The following PXDNL variants were observed in gnomAD, a reference collection of about 807,000 sequenced individuals.
PXDNL encodes peroxidasin like.
Under a neutral mutation model 150.8 loss-of-function variants are expected in PXDNL, and 145 were observed. That is an observed-to-expected ratio of 0.96 (90% confidence interval 0.84 to 1.10). The LOEUF is 1.10. Among genes scored for constraint, PXDNL ranks in the 50% least tolerant of loss-of-function variants. The pLI is 0.00. For missense variants in PXDNL, 2,087 were observed against 1,873.9 expected (o/e 1.11, Z -2.10); for synonymous variants, 757 against 725.7 (o/e 1.04, Z -0.69).
chr8:51,486,517 C>T (rs1269574709), intron 5 of PXDNL, among the ~76,000 whole-genome samples: 3 of 151,682 alleles, frequency 2.0e-5, no homozygotes, highest in Non-Finnish European at 2.9e-5. Flanking sequence ...AGAATACTAT[C>T]CCAGTAGTAT....
chr8:51,465,509 C>T (rs1810186273), intron 8 of PXDNL, among the ~76,000 whole-genome samples: 2 of 152,136 alleles, frequency 1.3e-5, no homozygotes. Flanking sequence ...CAAGAATGTC[C>T]ACTTTCACCA....
intron 19 of PXDNL, among the ~76,000 whole-genome samples, chr8:51,362,219 G>T (rs187499052): frequency 1.3e-5 from 2 of 152,128 alleles, no homozygotes; most frequent in Non-Finnish European, 2.9e-5. Flanking sequence ...TAAGACCTCC[G>T]GTAAAGTAGG....
At chr8:51,773,565 CT>C (rs1178593744) in intron 1 of PXDNL, among the ~76,000 whole-genome samples, 1 of 152,194 alleles carries the variant, frequency 6.6e-6, no homozygotes, top group Non-Finnish European at 1.5e-5. Flanking sequence ...CCACGACCAC[CT>C]TCTAGAATTT....
intron 1 of PXDNL, among the ~76,000 whole-genome samples, chr8:51,758,899 C>G (rs994080711): frequency 6.6e-6 from 1 of 152,206 alleles, no homozygotes; most frequent in African/African-American, 2.4e-5. Flanking sequence ...CTAATCCTCC[C>G]TGAGCAACAA....
chr8:51,468,309 T>C (rs1429185588), intron 8 of PXDNL, among the ~76,000 whole-genome samples: 5 of 152,080 alleles, frequency 3.3e-5, no homozygotes, highest in Non-Finnish European at 7.4e-5. Context: ...TCATCAGCTA[T>C]TTTGTTAGGT....
intron 17 of PXDNL, among the ~76,000 whole-genome samples, chr8:51,379,858 T>C (rs866223339): frequency 6.6e-6 from 1 of 152,190 alleles, no homozygotes; most frequent in Non-Finnish European, 1.5e-5. Flanking sequence ...TCCATACTCA[T>C]TTTTAATCCA....
intron 19 of PXDNL, among the ~76,000 whole-genome samples, chr8:51,355,208 TAC>T (rs1428040538): frequency 6.6e-6 from 1 of 152,174 alleles, no homozygotes; most frequent in Non-Finnish European, 1.5e-5. Context: ...ATGAAAATAC[TAC>T]AGTGTCATGA....
At chr8:51,713,298 C>T (rs551014906) in intron 1 of PXDNL, among the ~76,000 whole-genome samples, 1 of 152,318 alleles carries the variant, frequency 6.6e-6, no homozygotes, top group African/African-American at 2.4e-5. Context: ...CAAGGCATTC[C>T]TTATCTCAGG....
At chr8:51,449,337 A>C (rs1224237921) in intron 10 of PXDNL, among the ~76,000 whole-genome samples, 2 of 152,266 alleles carry the variant, frequency 1.3e-5, no homozygotes, top group Non-Finnish European at 2.9e-5. Context: ...GCAAAACAGC[A>C]GTAGCCAACA....
chr8:51,541,652 C>T (rs1812220015), intron 4 of PXDNL, among the ~76,000 whole-genome samples: 1 of 152,148 alleles, frequency 6.6e-6, no homozygotes, highest in Non-Finnish European at 1.5e-5. Context: ...CACTGGTCTC[C>T]TACACCACTA....
intron 12 of PXDNL, among the ~76,000 whole-genome samples, chr8:51,445,363 A>T (rs1809651287): frequency 2.6e-5 from 4 of 152,150 alleles, no homozygotes; most frequent in Admixed American, 1.3e-4. Context: ...GCCACCATTC[A>T]CAAAATCTGG....
chr8:51,408,196 T>G lies in PXDNL; in HGVS notation c.3428A>C (p.Gln1143Pro). 1.2e-6 allele frequency: 2 copies of G among 1,614,016 alleles called. No individual in the cohort carries two copies. The highest frequency in any genetic ancestry group is 1.7e-6 in the Non-Finnish European group (2 of 1,179,904). ...TGGGATCCCGTGGTCTCTACCCCTT[T>G]GAATGATGGTGGCAGCCGAATCCAC... Reference protein sequence around the residue: ...AAVDSAATIIQRGRDHGIPPY... With the variant: ...AAVDSAATIIPRGRDHGIPPY... Residue 1143 changes from glutamine (Q) to proline (P), a missense_variant, in exon 17 of 23, where the codon CAA becomes CCA. Transcript: ENST00000356297.
chr8:51,413,080 T>G, intron 15 of PXDNL, 70 bp downstream of exon 15: 19 of 919,592 alleles, frequency 2.1e-5, no homozygotes, highest in Non-Finnish European at 3.0e-5. Context: ...ATGTGACTTA[T>G]GGAGATGATA....
At chr8:51,452,935 A>AACACATAACACACACAC (rs60146365) in intron 10 of PXDNL, among the ~76,000 whole-genome samples, 1 of 142,566 alleles carries the variant, frequency 7.0e-6, no homozygotes, top group South Asian at 2.2e-4. Context: ...CACACACACA[A>AACACATAACACACACAC]ACACACACAC....
chr8:51,652,035 TC>T (rs1210154593), intron 2 of PXDNL, among the ~76,000 whole-genome samples: 1 of 152,198 alleles, frequency 6.6e-6, no homozygotes, highest in African/African-American at 2.4e-5. Flanking sequence ...GAAAACCCTC[TC>T]TTTTACAATA....
At chr8:51,396,417 T>G (rs1010304376) in intron 17 of PXDNL, among the ~76,000 whole-genome samples, 3 of 152,206 alleles carry the variant, frequency 2.0e-5, no homozygotes, top group African/African-American at 7.2e-5. Context: ...CAGCAATGAC[T>G]GTGGCCTGAG....
In PXDNL at chr8:51,474,987, C is replaced by G; in HGVS notation, c.679G>C (p.Glu227Gln). ...HGRAVASVTV[E>Q]EFNCQSPRIT... ...ATTTACGTACGGCAATTGAATTCCT[C>G]TACTGTTACTGAAGCAACTGCACGC... Residue 227 changes from glutamate (E) to glutamine (Q), a missense_variant, in exon 7 of 23, where the codon GAG becomes CAG. Physicochemically the swap from Glu to Gln is conservative, Grantham distance 29. Transcript: ENST00000356297. 5.6e-6 allele frequency: 9 copies of G among 1,599,566 alleles called. No individual in the cohort carries two copies. Among genetic ancestry groups the G allele is most frequent in the Non-Finnish European group, 7.7e-6 (9 of 1,172,494 alleles).
intron 2 of PXDNL, among the ~76,000 whole-genome samples, chr8:51,644,318 T>TA (rs1814852884): frequency 1.6e-5 from 1 of 63,270 alleles, no homozygotes; most frequent in African/African-American, 3.7e-5. Context: ...AGGCACATTT[T>TA]TACATATATA....
chr8:51,797,760 T>C (rs988031522), intron 1 of PXDNL, among the ~76,000 whole-genome samples: 22 of 152,206 alleles, frequency 1.4e-4, no homozygotes, highest in Non-Finnish European at 2.8e-4. Context: ...CAAAGTAATT[T>C]GTAGATTCAA....
Sources: allele counts gnomAD v4.1 joint callset (sites outside exome capture counted in the v4.1 genomes callset), GRCh38; gene constraint gnomAD v4.1.1; transcripts MANE v1.5; gene names NCBI Gene and HGNC (gene_info 2026-07-23, HGNC 2026-07-21).